Variants in RAB12 observed in about 807,000 individuals in gnomAD.
RAB12 encodes the protein ras-related protein Rab-12.
In RAB12, 11 loss-of-function variants were observed where a neutral mutation model predicts 28.4. The observed-to-expected ratio is 0.39, with a 90% CI of 0.24 to 0.64. The LOEUF (loss-of-function observed/expected upper bound fraction) is 0.64. RAB12 is among the 30% of genes least tolerant of loss of function. The probability of loss-of-function intolerance (pLI) is 0.50; values close to 1 mark genes in which losing one functional copy is unlikely to be tolerated. For synonymous variants in RAB12, 138 were observed against 145.3 expected, an observed-to-expected ratio of 0.95 and a Z score of 0.36; for missense variants, 276 against 351.1, an observed-to-expected ratio of 0.79 and a Z score of 1.71.
At chr18:8,621,603 CT>C (rs1245852096) in intron 1 of RAB12, among the ~76,000 whole-genome samples, 2 of 152,022 alleles carry the variant, frequency 1.3e-5, no homozygotes, top group Non-Finnish European at 2.9e-5. Context: ...TTCTTTTTTT[CT>C]TTTGTTTTTT....
At position 8,638,307 on chromosome 18, in the gene RAB12, A is replaced by G. The variant is rs2096020150; in HGVS notation, c.*45A>G. The stretch of plus-strand genomic sequence containing the variant: ...AGTGGAAATGATTCCTGGAAAGGGG[A>G]AAAAACGTTCTATTCTGCACTACAA... On this transcript the variant is annotated 3_prime_UTR_variant, in exon 6 of 6. Coordinates refer to ENST00000649141, the MANE Select transcript of RAB12 (RefSeq NM_001025300.3). 7.2e-7 allele frequency: 1 copy of G among 1,381,380 alleles called. No individual in the cohort carries two copies. The highest frequency in any genetic ancestry group is 1.8e-4 in the Middle Eastern group (1 of 5,634). The allele number at this position is 1,381,380 out of a possible 1,614,324, so 85.6% of individuals were successfully genotyped here. A position where few individuals can be genotyped will look rare whatever the true frequency, so the allele number is the denominator to read the frequency against.
chr18:8,626,237 A>G (rs1021299618), intron 2 of RAB12, among the ~76,000 whole-genome samples: 1 of 152,254 alleles, frequency 6.6e-6, no homozygotes, highest in Non-Finnish European at 1.5e-5. Flanking sequence ...GGAAATGGCA[A>G]CAAAGTGTTT....
intron 3 of RAB12, among the ~76,000 whole-genome samples, chr18:8,634,824 T>C (rs2096017982): frequency 2.0e-5 from 3 of 152,244 alleles, no homozygotes; most frequent in Admixed American, 1.3e-4. Flanking sequence ...GCAGTCTGTT[T>C]CAAGTAACTT....
Position 8,611,671 on chromosome 18 carries a change from A to C in RAB12, c.514+1718A>C, listed in dbSNP as rs114953348. 2.0e-3 allele frequency among the ~76,000 whole-genome samples: 297 copies of C among 152,298 alleles called. 1 individual carries two copies. The highest frequency in any genetic ancestry group is 6.9e-3 in the African/African-American group (287 of 41,578). ...CTTAGTAAGGCATTGGCACGAAAAC[A>C]GTTTGGCAGAGTTGCATAGGATGTT... On this transcript the variant is annotated intron_variant, in intron 1 of 5. Transcript: ENST00000649141.
At chr18:8,632,915 T>C (rs2096016853) in intron 2 of RAB12, 1 of 374,770 alleles carries the variant, frequency 2.7e-6, no homozygotes, top group Non-Finnish European at 4.7e-6. Context: ...AGGGAAAAAG[T>C]TATTCAGGAG....
At chr18:8,615,763 G>A (rs543722723) in intron 1 of RAB12, among the ~76,000 whole-genome samples, 8 of 152,364 alleles carry the variant, frequency 5.3e-5, no homozygotes, top group Non-Finnish European at 8.8e-5. Flanking sequence ...TGCAGATTTA[G>A]TTGGTGTTAG....
intron 1 of RAB12, among the ~76,000 whole-genome samples, chr18:8,617,392 TAGTG>T (rs1327587405): frequency 2.0e-5 from 3 of 152,164 alleles, no homozygotes; most frequent in African/African-American, 7.2e-5. Context: ...TTCTGAGTAG[TAGTG>T]AAGTTCAATT....
intron 1 of RAB12, among the ~76,000 whole-genome samples, chr18:8,610,625 A>G (rs1221050978): frequency 2.6e-5 from 4 of 152,208 alleles, no homozygotes; most frequent in Non-Finnish European, 5.9e-5. Flanking sequence ...CTCCAGGGTC[A>G]AGGAGGAAAA....
intron 2 of RAB12, among the ~76,000 whole-genome samples, chr18:8,632,683 G>A (rs2096016709): frequency 6.6e-6 from 1 of 152,026 alleles, no homozygotes; most frequent in Non-Finnish European, 1.5e-5. Context: ...GTGTGTGTGA[G>A]CGGGGAGTGG....
chr18:8,614,648 G>A (rs144382134), intron 1 of RAB12, among the ~76,000 whole-genome samples: 1,554 of 152,064 alleles, frequency 0.01, 29 homozygotes, highest in African/African-American at 0.036. Context: ...GCAGTGGTGC[G>A]ATCTCTGCTC....
intron 5 of RAB12, 46 bp downstream of exon 5, chr18:8,636,403 G>T (rs986586147): frequency 8.5e-7 from 1 of 1,169,594 alleles, no homozygotes; most frequent in South Asian, 1.5e-5. Context: ...TCTGAAACCT[G>T]TTGTTTCCTT....
At chr18:8,617,178 A>G (rs1411269484) in intron 1 of RAB12, among the ~76,000 whole-genome samples, 3 of 152,224 alleles carry the variant, frequency 2.0e-5, no homozygotes, top group Non-Finnish European at 4.4e-5. Context: ...AATATCTTAC[A>G]TGTCTGGCAT....
chr18:8,626,284 A>G (rs965557423), intron 2 of RAB12, among the ~76,000 whole-genome samples: 1 of 152,184 alleles, frequency 6.6e-6, no homozygotes, highest in Admixed American at 6.5e-5. Flanking sequence ...TAAGCTCTAT[A>G]AGGTAAAGAC....
At chr18:8,624,463 T>C (rs912084584) in intron 1 of RAB12, among the ~76,000 whole-genome samples, 8 of 152,226 alleles carry the variant, frequency 5.3e-5, no homozygotes, top group Admixed American at 5.2e-4. Context: ...TTACCTAAAA[T>C]TTTCATGAGT....
At chr18:8,635,497 C>A in intron 3 of RAB12, 36 bp from the exon 4 acceptor site, 1 of 1,465,682 alleles carries the variant, frequency 6.8e-7, no homozygotes, top group Non-Finnish European at 9.5e-7. Context: ...TGGCGATGCC[C>A]ATCTTTGAAA....
chr18:8,630,549 A>G (rs936838555), intron 2 of RAB12, among the ~76,000 whole-genome samples: 1 of 152,194 alleles, frequency 6.6e-6, no homozygotes, highest in East Asian at 1.9e-4. Flanking sequence ...CATCATGGCC[A>G]GCACCAGCCT....
intron 1 of RAB12, among the ~76,000 whole-genome samples, chr18:8,610,325 G>T (rs1368960959): frequency 6.6e-6 from 1 of 152,250 alleles, no homozygotes; most frequent in African/African-American, 2.4e-5. Flanking sequence ...CTCTCGCCCG[G>T]CCCGCCAAGG....
chr18:8,609,837 G>A lies in RAB12; in HGVS notation c.398G>A (p.Arg133Lys), dbSNP rs2096002704. The A allele has an allele frequency of 6.4e-7, 1 of 1,574,120 alleles. No homozygotes were observed. The highest frequency in any genetic ancestry group is 1.2e-5 in the South Asian group (1 of 86,256). Residue 133 changes from arginine (R) to lysine (K), a missense_variant, in exon 1 of 6, where the codon AGG becomes AAG. By Grantham distance (26) the Arg-to-Lys change is conservative. Coordinates refer to ENST00000649141, the MANE Select transcript of RAB12 (RefSeq NM_001025300.3). Reference sequence around the variant, plus strand: ...GGCCGCCGGAGGAAGCAGCCCCCCAGGCCGGCCGACTTCAAGTTGCAGGTC... The same window carrying A: ...GGCCGCCGGAGGAAGCAGCCCCCCAAGCCGGCCGACTTCAAGTTGCAGGTC... ...GQGRRRKQPP[R>K]PADFKLQVII... is the part of the protein sequence containing the mutation.
chr18:8,622,443 C>T (rs1172382424), intron 1 of RAB12, among the ~76,000 whole-genome samples: 2 of 152,078 alleles, frequency 1.3e-5, no homozygotes, highest in African/African-American at 4.8e-5. Context: ...CGTCACATGT[C>T]GGTAGGTTCC....
Sources: gnomAD v4.1 joint callset for allele counts (sites outside exome capture counted in the v4.1 genomes callset) on GRCh38, gnomAD v4.1.1 for gene constraint, MANE v1.5 for transcripts, NCBI Gene and HGNC (gene_info 2026-07-23, HGNC 2026-07-21) for gene names.